Variants in MYO5B observed in about 807,000 individuals in gnomAD.
The protein encoded by MYO5B is unconventional myosin-Vb.
In MYO5B, 143 loss-of-function variants were observed where a neutral mutation model predicts 229.3. That is an observed-to-expected ratio of 0.62 (90% CI 0.54 to 0.72). The LOEUF is 0.72. Ranked by LOEUF, MYO5B falls within the 30% of genes least tolerant of loss-of-function variation. The pLI is 0.00. For missense variants in MYO5B, 2,321 were observed against 2,331.0 expected, an observed-to-expected ratio of 1.00 and a Z score of 0.09; for synonymous variants, 918 against 885.2, an observed-to-expected ratio of 1.04 and a Z score of -0.66.
At chr18:49,888,972 C>T (rs1406535440) in intron 22 of MYO5B, among the ~76,000 whole-genome samples, 4 of 152,172 alleles carry the variant, frequency 2.6e-5, no homozygotes, top group Non-Finnish European at 4.4e-5. Flanking sequence ...CAGCCTGGAC[C>T]AGAGTCCTCA....
intron 1 of MYO5B, among the ~76,000 whole-genome samples, chr18:50,175,119 G>A (rs1368504548): frequency 6.6e-6 from 1 of 152,210 alleles, no homozygotes; most frequent in East Asian, 1.9e-4. Flanking sequence ...TCTGATCCAT[G>A]TCCCCTCAGT....
Position 50,030,876 on chromosome 18 carries a change from G to GAAAAAAAAAAAAAAAAAAAAAAAAAAAAA in MYO5B, c.455+5945_455+5973dup, listed in dbSNP as rs869189090. 9.8e-5 allele frequency among the ~76,000 whole-genome samples: 3 copies of GAAAAAAAAAAAAAAAAAAAAAAAAAAAAA among 30,500 alleles called. 1 individual carries two copies. Among genetic ancestry groups the GAAAAAAAAAAAAAAAAAAAAAAAAAAAAA allele is most frequent in the East Asian group, 1.5e-3 (1 of 686 alleles). 20.0% of individuals were successfully genotyped at this position (30,500 alleles called of 152,430 possible). A position where few individuals can be genotyped will look rare whatever the true frequency, so the allele number is the denominator to read the frequency against. ...TCTGCAGCATCCCCACTCCCTTTCA[G>GAAAAAAAAAAAAAAAAAAAAAAAAAAAAA]AAAAAAAAAAAAAAAAAAAAAAAAA... On this transcript the variant is annotated intron_variant, in intron 4 of 39. Coordinates refer to ENST00000285039, the MANE Select transcript of MYO5B (RefSeq NM_001080467.3).
At chr18:50,187,744 T>C (rs972654012) in intron 1 of MYO5B, among the ~76,000 whole-genome samples, 2 of 152,184 alleles carry the variant, frequency 1.3e-5, no homozygotes, top group Admixed American at 1.3e-4. Context: ...CTCGAACTCC[T>C]GGGTTTAAGG....
chr18:50,136,416 T>C (rs917962050), intron 1 of MYO5B, among the ~76,000 whole-genome samples: 5 of 148,142 alleles, frequency 3.4e-5, no homozygotes, highest in Admixed American at 7.0e-5. Flanking sequence ...GAAGTCGGGA[T>C]GGTAATATTA....
intron 1 of MYO5B, among the ~76,000 whole-genome samples, chr18:50,158,785 C>T (rs73430386): frequency 0.027 from 4,105 of 152,252 alleles, 173 homozygotes; most frequent in African/African-American, 0.093. Context: ...CCTAAGGAGC[C>T]GGTGTTCTCT....
At position 49,912,098 on chromosome 18, in the gene MYO5B, C is replaced by T. The variant is rs1384499340; in HGVS notation, c.2166G>A (p.Lys722=). The T allele has an allele frequency of 7.4e-6, 12 of 1,614,046 alleles. No homozygotes were observed. The African/African-American group carries it at 1.3e-4, about 18-fold the overall frequency. ...TCTCCAGGACAGACCTGCAGATGGCCTTTTTGTCTGTGTTGGCGAGCTCTC... is the reference window on the plus strand; with the variant it reads ...TCTCCAGGACAGACCTGCAGATGGCTTTTTTGTCTGTGTTGGCGAGCTCTC... ...KKRELANTDK[K]AICRSVLENL... Residue 722 remains lysine (K), a synonymous_variant, in exon 18 of 40, where the codon AAG becomes AAA. Coordinates refer to ENST00000285039, the MANE Select transcript of MYO5B (RefSeq NM_001080467.3).
chr18:49,931,198 C>T (rs2025187091), intron 16 of MYO5B, among the ~76,000 whole-genome samples: 1 of 152,130 alleles, frequency 6.6e-6, no homozygotes, highest in Admixed American at 6.5e-5. Context: ...GTACTTGGCA[C>T]TGGAAAACAG....
At chr18:50,077,879 A>G (rs2031126084) in intron 1 of MYO5B, among the ~76,000 whole-genome samples, 1 of 152,156 alleles carries the variant, frequency 6.6e-6, no homozygotes, top group Non-Finnish European at 1.5e-5. Flanking sequence ...ATACTACAAT[A>G]ACACATCCAT....
Position 49,864,150 on chromosome 18 carries a change from G to A in MYO5B, c.3834C>T (p.Gly1278=). 2.5e-6 allele frequency: 4 copies of A among 1,609,134 alleles called. No homozygotes were observed. Among genetic ancestry groups the A allele is most frequent in the Non-Finnish European group, 3.4e-6 (4 of 1,179,898 alleles). The change falls in exon 28 of 40, where the codon GGC becomes GGT. Residue 1278 remains glycine (G), a synonymous_variant. Transcript: ENST00000285039. The part of the protein sequence containing the change: ...IVSADQRRLA[G]RNAEPNINAR... ...GCCGCCATCTTGTTACCGCGTTCCT[G>A]CCGGCGAGTCGCCGCTGGTCGGCGC...
chr18:49,885,031 G>A (rs936188701), intron 22 of MYO5B, among the ~76,000 whole-genome samples: 7 of 152,126 alleles, frequency 4.6e-5, no homozygotes, highest in Admixed American at 6.5e-5. Context: ...TGCTGCTGGT[G>A]GGAATATAAA....
chr18:49,833,757 A>G (rs776577250), intron 39 of MYO5B, among the ~76,000 whole-genome samples: 1 of 152,206 alleles, frequency 6.6e-6, no homozygotes, highest in Admixed American at 6.5e-5. Flanking sequence ...AAAAATCCAT[A>G]TAATGGGTCC....
intron 9 of MYO5B, among the ~76,000 whole-genome samples, chr18:49,977,983 A>G (rs1416580921): frequency 6.6e-6 from 1 of 152,232 alleles, no homozygotes; most frequent in African/African-American, 2.4e-5. Context: ...AACCTTGGCC[A>G]TCTCGACTTA....
chr18:49,843,833 G>A (rs1364833589), intron 33 of MYO5B, among the ~76,000 whole-genome samples: 2 of 152,212 alleles, frequency 1.3e-5, no homozygotes, highest in Admixed American at 1.3e-4. Context: ...GGCAAGGGCT[G>A]GCTCCAGAAT....
intron 39 of MYO5B, among the ~76,000 whole-genome samples, chr18:49,834,892 C>T (rs2023969100): frequency 2.6e-5 from 4 of 152,196 alleles, no homozygotes; most frequent in Admixed American, 2.0e-4. Flanking sequence ...CCCACCTCGG[C>T]CTCCCAAAGT....
At chr18:50,118,982 C>T (rs1164442094) in intron 1 of MYO5B, among the ~76,000 whole-genome samples, 1 of 152,186 alleles carries the variant, frequency 6.6e-6, no homozygotes, top group African/African-American at 2.4e-5. Context: ...CCTGGGAAGC[C>T]ATTTAACCTC....
chr18:50,037,048 A>G lies in MYO5B; in HGVS notation c.311-54T>C. The G allele has an allele frequency of 8.1e-6, 13 of 1,608,416 alleles. No homozygotes were observed. In the South Asian group the frequency reaches 1.3e-4, roughly 16 times the overall value. The stretch of plus-strand genomic sequence containing the variant: ...GACAGCACAGAAGACACCTGGCATT[A>G]TTAGCTCAAGGCACCCATCCATTCA... On this transcript the variant is annotated intron_variant, in intron 3 of 39. Coordinates refer to ENST00000285039, the MANE Select transcript of MYO5B (RefSeq NM_001080467.3).
At chr18:49,945,047 T>C (rs1412163024) in intron 14 of MYO5B, among the ~76,000 whole-genome samples, 1 of 152,212 alleles carries the variant, frequency 6.6e-6, no homozygotes, top group Admixed American at 6.5e-5. Context: ...GGTCCCTTCC[T>C]GACACTTAGC....
intron 31 of MYO5B, chr18:49,850,206 G>A (rs1186585759): frequency 5.4e-6 from 1 of 186,716 alleles, no homozygotes; most frequent in Non-Finnish European, 1.1e-5. Flanking sequence ...CGCTGAGGGA[G>A]GAGTTTGCTG....
At chr18:50,149,642 C>T (rs2032562658) in intron 1 of MYO5B, among the ~76,000 whole-genome samples, 1 of 149,764 alleles carries the variant, frequency 6.7e-6, no homozygotes, top group African/African-American at 2.4e-5. Context: ...ATGTAGAAAG[C>T]TGAAACTGGA....
Sources: gnomAD v4.1 joint callset for allele counts (sites outside exome capture counted in the v4.1 genomes callset) on GRCh38, gnomAD v4.1.1 for gene constraint, MANE v1.5 for transcripts, NCBI Gene and HGNC (gene_info 2026-07-23, HGNC 2026-07-21) for gene names.